The following SLC12A8 variants were observed in gnomAD, a reference collection of about 807,000 sequenced individuals.
SLC12A8 encodes cation-chloride cotransporter 9.
In SLC12A8, 69 loss-of-function variants were observed where a neutral mutation model predicts 75.6. The observed-to-expected ratio is 0.91, with a 90% CI of 0.75 to 1.11. SLC12A8 has a LOEUF of 1.11. Ranked by LOEUF, SLC12A8 falls within the 50% of genes most tolerant of loss-of-function variation. The pLI is 0.00. For synonymous variants in SLC12A8, 365 were observed against 372.8 expected (o/e 0.98, Z 0.24); for missense variants, 877 against 896.7 (o/e 0.98, Z 0.28).
intron 2 of SLC12A8, among the ~76,000 whole-genome samples, chr3:125,195,987 C>T (rs1009960783): frequency 6.6e-6 from 1 of 152,182 alleles, no homozygotes; most frequent in African/African-American, 2.4e-5. Flanking sequence ...ATGCCCTCCC[C>T]CTAATAACAG....
intron 7 of SLC12A8, 33 bp from the exon 8 acceptor site, chr3:125,118,889 C>T (rs1932974411): frequency 7.0e-7 from 1 of 1,434,970 alleles, no homozygotes; most frequent in African/African-American, 1.4e-5. Context: ...AGAGCTGCCC[C>T]CGACTCACCT....
At chr3:125,102,175 A>G (rs1446043909) in intron 10 of SLC12A8, among the ~76,000 whole-genome samples, 2 of 152,210 alleles carry the variant, frequency 1.3e-5, no homozygotes, top group African/African-American at 4.8e-5. Flanking sequence ...AAAAGGGGTG[A>G]AAGTGGGTCT....
Position 125,130,536 on chromosome 3 carries a change from G to C in SLC12A8, c.736+5133C>G, listed in dbSNP as rs184787827. ...CAACCAGAGAGGCAGAGGTTGTAGT[G>C]AGCTGAGATCACACCACTGCACTCC... is the stretch of plus-strand genomic sequence containing the variant. On this transcript the variant is annotated intron_variant, in intron 6 of 13. Transcript: ENST00000469902. Among the ~76,000 whole-genome samples, 14 of 151,796 alleles carry C rather than the reference G, an allele frequency of 9.2e-5. No homozygotes were observed. The East Asian group carries it at 2.7e-3, about 29-fold the overall frequency.
At chr3:125,165,346 G>A (rs1934262152) in intron 5 of SLC12A8, among the ~76,000 whole-genome samples, 2 of 152,366 alleles carry the variant, frequency 1.3e-5, no homozygotes, top group Admixed American at 1.3e-4. Flanking sequence ...AAAACAAACA[G>A]TCAGAATCAC....
intron 8 of SLC12A8, among the ~76,000 whole-genome samples, chr3:125,115,050 T>C (rs573737698): frequency 4.6e-5 from 7 of 152,072 alleles, no homozygotes. Flanking sequence ...CCATAAGGAG[T>C]GTGGAAGGGA....
At chr3:125,192,139 A>C (rs189891003) in intron 2 of SLC12A8, among the ~76,000 whole-genome samples, 10 of 152,034 alleles carry the variant, frequency 6.6e-5, no homozygotes, top group Non-Finnish European at 1.3e-4. Context: ...GGCTTGCTAC[A>C]GGCCGACTGT....
At chr3:125,159,793 C>T (rs1934128903) in intron 5 of SLC12A8, among the ~76,000 whole-genome samples, 1 of 152,246 alleles carries the variant, frequency 6.6e-6, no homozygotes, top group South Asian at 2.1e-4. Flanking sequence ...CTCTGGTCAT[C>T]TAGAACCCCA....
chr3:125,160,867 A>G (rs1305564112), intron 5 of SLC12A8, among the ~76,000 whole-genome samples: 1 of 149,548 alleles, frequency 6.7e-6, no homozygotes, highest in Non-Finnish European at 1.5e-5. Flanking sequence ...CAGCCAGAGC[A>G]CTGGCTGGGG....
chr3:125,157,370 A>G (rs1323122899), intron 5 of SLC12A8, among the ~76,000 whole-genome samples: 53 of 152,246 alleles, frequency 3.5e-4, no homozygotes, highest in Non-Finnish European at 1.9e-4. Context: ...AGTGAAAAAT[A>G]ACGGCTGTGA....
At chr3:125,148,095 G>T (rs1477640449) in intron 5 of SLC12A8, among the ~76,000 whole-genome samples, 3 of 152,218 alleles carry the variant, frequency 2.0e-5, no homozygotes, top group Non-Finnish European at 2.9e-5. Flanking sequence ...AATTATAGCT[G>T]AGCTGGAGCT....
chr3:125,122,810 C>T (rs547127075), intron 6 of SLC12A8, among the ~76,000 whole-genome samples: 24 of 152,012 alleles, frequency 1.6e-4, no homozygotes, highest in Non-Finnish European at 2.6e-4. Flanking sequence ...AACAAATACA[C>T]GCATAAATAG....
At chr3:125,126,973 G>A (rs1218820661) in intron 6 of SLC12A8, among the ~76,000 whole-genome samples, 1 of 152,108 alleles carries the variant, frequency 6.6e-6, no homozygotes, top group Admixed American at 6.5e-5. Context: ...ACCTGTAAAT[G>A]GGGATTATAC....
At chr3:125,201,064 C>G (rs1487083913) in intron 2 of SLC12A8, among the ~76,000 whole-genome samples, 1 of 151,880 alleles carries the variant, frequency 6.6e-6, no homozygotes, top group Non-Finnish European at 1.5e-5. Flanking sequence ...TTCTTTCTTT[C>G]TGACTGTTCG....
chr3:125,116,686 G>A (rs895193823), intron 8 of SLC12A8, among the ~76,000 whole-genome samples: 7 of 152,164 alleles, frequency 4.6e-5, no homozygotes, highest in Admixed American at 6.5e-5. Flanking sequence ...GGAGAGCTGC[G>A]GCCCAGGGGA....
chr3:125,117,675 C>A (rs78985545), intron 8 of SLC12A8, among the ~76,000 whole-genome samples: 2,974 of 152,240 alleles, frequency 0.02, 42 homozygotes, highest in Non-Finnish European at 0.029. Context: ...CAGAAAAACT[C>A]CCTAACCAAC....
intron 4 of SLC12A8, among the ~76,000 whole-genome samples, chr3:125,183,904 G>A (rs894359310): frequency 6.6e-6 from 1 of 152,046 alleles, no homozygotes; most frequent in Non-Finnish European, 1.5e-5. Context: ...GAGGGATGAA[G>A]GGGGAAGGGT....
At chr3:125,116,060 G>C (rs991152427) in intron 8 of SLC12A8, among the ~76,000 whole-genome samples, 2 of 152,220 alleles carry the variant, frequency 1.3e-5, no homozygotes, top group Admixed American at 1.3e-4. Context: ...TCTACTGCCT[G>C]AGCACGGTAC....
chr3:125,128,187 T>A (rs962953435), intron 6 of SLC12A8, among the ~76,000 whole-genome samples: 2 of 115,586 alleles, frequency 1.7e-5, no homozygotes, highest in African/African-American at 1.1e-4. Flanking sequence ...ATTTTTATTT[T>A]TTTTTTTTTT....
At chr3:125,141,665 GGGGCTGCAGGCTGCGGGCTGC>G (rs756697387) in intron 5 of SLC12A8, among the ~76,000 whole-genome samples, 5 of 151,728 alleles carry the variant, frequency 3.3e-5, no homozygotes, top group Admixed American at 6.6e-5. Context: ...AAATGATGCT[GGGGCTGCAGGCTGCGGGCTGC>G]GGGCTGCGGG....
Sources: gnomAD v4.1 joint callset for allele counts (sites outside exome capture counted in the v4.1 genomes callset) on GRCh38, gnomAD v4.1.1 for gene constraint, MANE v1.5 for transcripts, NCBI Gene and HGNC (gene_info 2026-07-23, HGNC 2026-07-21) for gene names.